The following ST3GAL6 variants were observed in gnomAD, a reference collection of about 807,000 sequenced individuals.
ST3GAL6 encodes ST3 beta-galactoside alpha-2,3-sialyltransferase 6.
In ST3GAL6, 31 loss-of-function variants were observed where a neutral mutation model predicts 40.5. That is an observed-to-expected ratio of 0.77 (90% CI 0.58 to 1.03). ST3GAL6 has a LOEUF of 1.03. Among genes scored for constraint, ST3GAL6 ranks in the 50% least tolerant of loss-of-function variants. ST3GAL6 has a pLI of 0.00. For synonymous variants in ST3GAL6, 129 were observed against 136.9 expected (o/e 0.94, Z 0.40); for missense variants, 357 against 393.2 (o/e 0.91, Z 0.78).
rs764516564 is a variant in ST3GAL6, at chr3:98,793,746, C to T, written c.981C>T (p.Asn327=). 6.2e-7 allele frequency: 1 copy of T among 1,600,452 alleles called. No homozygotes were observed. Among genetic ancestry groups the T allele is most frequent in the South Asian group, 1.1e-5 (1 of 88,034 alleles). Residue 327 remains asparagine, a synonymous_variant, in exon 10 of 10, where the codon AAC becomes AAT. Transcript: ENST00000483910. The stretch of plus-strand genomic sequence containing the variant: ...TTATAGAAAAAAACCTCGTAATCAA[C>T]TTGACTCAAGATTGACTCTACAGAC... The part of the protein sequence containing the change: ...KDIIEKNLVI[N]LTQD
intron 1 of ST3GAL6, chr3:98,733,233 C>T: frequency 1.0e-6 from 1 of 967,450 alleles, no homozygotes; most frequent in Non-Finnish European, 1.2e-6. Context: ...AGCCAGCCGG[C>T]GTGCGCCGCA....
intron 5 of ST3GAL6, among the ~76,000 whole-genome samples, chr3:98,780,667 C>G (rs17270593): frequency 0.42 from 64,200 of 152,028 alleles, 13,720 homozygotes; most frequent in Non-Finnish European, 0.45. Flanking sequence ...GCCTGAAACC[C>G]TAGACCCCTC....
intron 9 of ST3GAL6, 57 bp from the exon 10 acceptor site, chr3:98,793,618 G>C: frequency 8.9e-7 from 1 of 1,122,284 alleles, no homozygotes; most frequent in Non-Finnish European, 1.3e-6. Context: ...CTCCATTGGT[G>C]CTGCTAATAC....
chr3:98,756,430 C>A (rs1195474735), intron 1 of ST3GAL6: 1 of 1,289,648 alleles, frequency 7.8e-7, no homozygotes, highest in South Asian at 1.2e-5. Context: ...AGAGAGGCCC[C>A]AGCAATTCAG....
intron 1 of ST3GAL6, among the ~76,000 whole-genome samples, chr3:98,750,511 C>G (rs1332865031): frequency 1.3e-5 from 2 of 151,956 alleles, no homozygotes; most frequent in East Asian, 3.9e-4. Flanking sequence ...TCCTGTTCAC[C>G]CTAAATTCTT....
At position 98,773,997 on chromosome 3, in the gene ST3GAL6, C is replaced by G; in HGVS notation, c.335+14C>G. 1 of 1,604,214 alleles carries G rather than the reference C, an allele frequency of 6.2e-7. No homozygotes were observed. Among genetic ancestry groups the G allele is most frequent in the Non-Finnish European group, 8.5e-7 (1 of 1,172,562 alleles). On this transcript the variant is annotated intron_variant, in intron 5 of 9. Coordinates refer to ENST00000483910, the MANE Select transcript of ST3GAL6 (RefSeq NM_001323368.2). ...TGAGTTTGACAAGTGAGTTTATTTC[C>G]TTGCTTCTAGTCTGGCTTTTAGCTT...
Position 98,794,892 on chromosome 3 carries a change from T to TGTC in ST3GAL6, c.*1132_*1134dup, listed in dbSNP as rs1941486711. 6.6e-6 allele frequency: 1 copy of TGTC among 152,168 alleles called. No homozygotes were observed. Among genetic ancestry groups the TGTC allele is most frequent in the African/African-American group, 2.4e-5 (1 of 41,452 alleles). 9.4% of individuals were successfully genotyped at this position (152,168 alleles called of 1,614,324 possible). On this transcript the variant is annotated 3_prime_UTR_variant, in exon 10 of 10. Coordinates refer to ENST00000483910, the MANE Select transcript of ST3GAL6 (RefSeq NM_001323368.2). ...TTCAGCCTGGGTGACAGAGTGAGGC[T>TGTC]GTCTTCTAAAAAATATAAAAAGTGA...
At chr3:98,740,380 GA>G (rs1935968359) in intron 1 of ST3GAL6, among the ~76,000 whole-genome samples, 1 of 151,910 alleles carries the variant, frequency 6.6e-6, no homozygotes, top group Non-Finnish European at 1.5e-5. Context: ...AAAATCCAGA[GA>G]ATTTCTCTCA....
chr3:98,746,164 C>T (rs1936528745), intron 1 of ST3GAL6, among the ~76,000 whole-genome samples: 1 of 152,168 alleles, frequency 6.6e-6, no homozygotes, highest in South Asian at 2.1e-4. Flanking sequence ...GGTTTTCTCA[C>T]TAAACTATTA....
chr3:98,784,859 A>T, intron 5 of ST3GAL6, 86 bp from the exon 6 acceptor site: 1 of 1,040,198 alleles, frequency 9.6e-7, no homozygotes, highest in Non-Finnish European at 1.5e-6. Context: ...GGAATTTGGC[A>T]CTGGGTTTCT....
intron 1 of ST3GAL6, among the ~76,000 whole-genome samples, chr3:98,742,902 G>A (rs1475032316): frequency 2.7e-5 from 4 of 150,072 alleles, no homozygotes; most frequent in African/African-American, 7.3e-5. Context: ...GTTTGTCCAT[G>A]TTGGTCAGGC....
intron 1 of ST3GAL6, among the ~76,000 whole-genome samples, chr3:98,766,867 A>G (rs72932676): frequency 0.039 from 5,997 of 152,280 alleles, 148 homozygotes; most frequent in African/African-American, 0.069. Context: ...TTGTAAACAC[A>G]TGAGGACCCT....
chr3:98,743,200 C>A (rs2107293914), intron 1 of ST3GAL6, among the ~76,000 whole-genome samples: 1 of 150,862 alleles, frequency 6.6e-6, no homozygotes, highest in Admixed American at 6.6e-5. Context: ...GTGTATTTTT[C>A]CTGGAGATGG....
At chr3:98,770,597 C>T (rs927938510) in intron 2 of ST3GAL6, 2 of 311,512 alleles carry the variant, frequency 6.4e-6, no homozygotes, top group African/African-American at 4.4e-5. Flanking sequence ...TGCAGTAATC[C>T]TGGCCCTTCT....
chr3:98,761,609 C>CAA (rs35800676), upstream of ST3GAL6, among the ~76,000 whole-genome samples: 6 of 114,636 alleles, frequency 5.2e-5, no homozygotes, highest in African/African-American at 1.7e-4. Flanking sequence ...GACTCCATCT[C>CAA]AAAAAAAAAA....
chr3:98,788,512 A>T, intron 8 of ST3GAL6, 49 bp downstream of exon 8: 1 of 1,530,608 alleles, frequency 6.5e-7, no homozygotes, highest in South Asian at 1.3e-5. Context: ...TGGCTGAGGT[A>T]GGATAGAGGG....
At chr3:98,732,900 G>A in intron 1 of ST3GAL6, 3 of 1,508,334 alleles carry the variant, frequency 2.0e-6, no homozygotes, top group Non-Finnish European at 2.6e-6. Context: ...GCAGCCGGCT[G>A]GAGCAGCGGC....
At chr3:98,777,672 C>G (rs1157734229) in intron 5 of ST3GAL6, among the ~76,000 whole-genome samples, 1 of 152,224 alleles carries the variant, frequency 6.6e-6, no homozygotes, top group African/African-American at 2.4e-5. Context: ...TGCCTGGTCA[C>G]TTTCAGGATT....
In ST3GAL6 at chr3:98,772,893, T is replaced by C. The variant is rs1457180319; in HGVS notation, c.248T>C (p.Leu83Ser). Residue 83 changes from leucine to serine, a missense_variant, in exon 4 of 10, where the codon TTG becomes TCG. Transcript: ENST00000483910. ...ASLYGSDKFD[L>S]PYGMRTSAEY... ...TTGTATGGTAGCGATAAGTTTGATT[T>C]GCCCTATGGGATGAGAACATCAGGT... is the stretch of plus-strand genomic sequence containing the variant. The C allele has an allele frequency of 6.2e-7, 1 of 1,612,430 alleles. No individual in the cohort carries two copies. Among genetic ancestry groups the C allele is most frequent in the South Asian group, 1.1e-5 (1 of 91,006 alleles).
Sources: allele counts gnomAD v4.1 joint callset (sites outside exome capture counted in the v4.1 genomes callset), GRCh38; gene constraint gnomAD v4.1.1; transcripts MANE v1.5; gene names NCBI Gene and HGNC (gene_info 2026-07-23, HGNC 2026-07-21).